Variants in XIRP2 observed in about 807,000 individuals in gnomAD.
XIRP2 encodes xin actin binding repeat containing 2.
A neutral mutation model predicts 277.0 loss-of-function variants in XIRP2; 236 were observed. The observed-to-expected ratio is 0.85, with a 90% confidence interval of 0.77 to 0.95. XIRP2 has a LOEUF of 0.95. XIRP2 is among the 40% of genes least tolerant of loss of function. The pLI is 0.00. For missense variants in XIRP2, 4,640 were observed against 4,157.5 expected, an observed-to-expected ratio of 1.12 and a Z score of -3.19; for synonymous variants, 1,490 against 1,416.5, an observed-to-expected ratio of 1.05 and a Z score of -1.17.
At chr2:167,141,888 A>G (rs1691729119) in intron 3 of XIRP2, among the ~76,000 whole-genome samples, 1 of 152,062 alleles carries the variant, frequency 6.6e-6, no homozygotes, top group Non-Finnish European at 1.5e-5. Flanking sequence ...AAGAAAATAT[A>G]CATAGTTATA....
chr2:167,199,928 A>G (rs1021155506), intron 3 of XIRP2, among the ~76,000 whole-genome samples: 1 of 152,232 alleles, frequency 6.6e-6, no homozygotes, highest in Non-Finnish European at 1.5e-5. Context: ...ACATTAGAAA[A>G]TTAGGGTCAG....
In XIRP2 at chr2:167,028,787, G is replaced by A. The variant is rs114008413; in HGVS notation, c.409-107122G>A. On this transcript the variant is annotated intron_variant, in intron 2 of 10. Coordinates refer to ENST00000409195, the MANE Select transcript of XIRP2 (RefSeq NM_152381.6). ...CCTTTCAGACAAAGAATTCAAAGTA[G>A]CTGTTTTGAGGACCCGCAAGAAAAT... 2.4e-3 allele frequency among the ~76,000 whole-genome samples: 363 copies of A among 151,858 alleles called. 4 individuals are homozygous for A. The highest frequency in any genetic ancestry group is 8.1e-3 in the African/African-American group (335 of 41,466).
At chr2:167,014,942 G>T (rs745538067) in intron 2 of XIRP2, among the ~76,000 whole-genome samples, 2 of 151,644 alleles carry the variant, frequency 1.3e-5, no homozygotes, top group Non-Finnish European at 2.9e-5. Context: ...ACATTTTATT[G>T]CCTCTAATCT....
At chr2:166,931,293 T>C (rs1486057526) in intron 2 of XIRP2, among the ~76,000 whole-genome samples, 1 of 152,170 alleles carries the variant, frequency 6.6e-6, no homozygotes, top group Non-Finnish European at 1.5e-5. Context: ...TTAATTTGCA[T>C]ACAGTGAGAT....
chr2:167,254,169 A>G lies in XIRP2; in HGVS notation c.*39+4A>G. 6.2e-7 allele frequency: 1 copy of G among 1,607,754 alleles called. No individual in the cohort carries two copies. On this transcript the variant is annotated splice_donor_region_variant and intron_variant, in intron 10 of 10. Coordinates refer to ENST00000409195, the MANE Select transcript of XIRP2 (RefSeq NM_152381.6). Reference sequence around the variant, plus strand: ...ACCATTGCAACAGTAAACTAAGGTAAAATGTTTAATTGTCTTTGCCACAAA... The same window carrying G: ...ACCATTGCAACAGTAAACTAAGGTAGAATGTTTAATTGTCTTTGCCACAAA...
In XIRP2 at chr2:167,099,775, CT is replaced by C. The variant is rs61546420; in HGVS notation, c.409-36132del. Among the ~76,000 whole-genome samples the C allele has an allele frequency of 1.0e-2, 1,519 of 152,182 alleles. 33 individuals are homozygous for C. Among genetic ancestry groups the C allele is most frequent in the African/African-American group, 0.035 (1,441 of 41,510 alleles). Reference sequence around the variant, plus strand: ...GCTATGAGAGGGAGTTCCCTGACCCCTTGTGCTTCCCGGGTGAGATAACACC... The same window carrying C: ...GCTATGAGAGGGAGTTCCCTGACCCCTGTGCTTCCCGGGTGAGATAACACC... On this transcript the variant is annotated intron_variant, in intron 2 of 10. Coordinates refer to ENST00000409195, the MANE Select transcript of XIRP2 (RefSeq NM_152381.6).
intron 5 of XIRP2, among the ~76,000 whole-genome samples, chr2:167,226,820 C>T (rs1175206905): frequency 1.3e-5 from 2 of 152,082 alleles, no homozygotes; most frequent in Admixed American, 6.6e-5. Context: ...TCCAAGCTTC[C>T]GAAACATCAC....
intron 2 of XIRP2, among the ~76,000 whole-genome samples, chr2:167,040,066 G>A (rs1382535402): frequency 6.6e-6 from 1 of 152,032 alleles, no homozygotes; most frequent in Non-Finnish European, 1.5e-5. Context: ...AAAATAAACT[G>A]AAAGGAGATT....
At chr2:167,150,016 T>C (rs766587460) in intron 3 of XIRP2, among the ~76,000 whole-genome samples, 1 of 151,950 alleles carries the variant, frequency 6.6e-6, no homozygotes, top group Non-Finnish European at 1.5e-5. Flanking sequence ...TATTCACTAT[T>C]TGAGTGATGG....
chr2:167,178,377 C>G (rs570033344), intron 3 of XIRP2, among the ~76,000 whole-genome samples: 2 of 152,134 alleles, frequency 1.3e-5, no homozygotes, highest in African/African-American at 4.8e-5. Flanking sequence ...ATTTAATTAG[C>G]TTGGAATATA....
In XIRP2 at chr2:167,250,164, A is replaced by G. The variant is rs756413548; in HGVS notation, c.8772A>G (p.Lys2924=). 10 of 1,613,512 alleles carry G rather than the reference A, an allele frequency of 6.2e-6. No individual in the cohort carries two copies. The Admixed American group carries it at 1.0e-4, about 16-fold the overall frequency. ...CAAAGCAAGAGATTACACAGAACAA[A>G]TCTTTCTTTTCCTCTGTGAAAGAAT... ...KDSKQEITQN[K]SFFSSVKESQ... Residue 2924 remains lysine (K), a synonymous_variant, in exon 9 of 11, where the codon AAA becomes AAG. Transcript: ENST00000409195.
chr2:167,023,606 T>G (rs1225752419), intron 2 of XIRP2, among the ~76,000 whole-genome samples: 1 of 152,340 alleles, frequency 6.6e-6, no homozygotes, highest in South Asian at 2.1e-4. Flanking sequence ...ATGTAAGTCT[T>G]TAATCCATCT....
Position 167,249,009 on chromosome 2 carries a change from A to C in XIRP2, c.7617A>C (p.Lys2539Asn). The C allele has an allele frequency of 3.7e-6, 6 of 1,611,058 alleles. No homozygotes were observed. Among genetic ancestry groups the C allele is most frequent in the Non-Finnish European group, 5.1e-6 (6 of 1,179,176 alleles). ...GQQNPKPYMR[K>N]FKTPLMIAEE... is the part of the protein sequence containing the mutation. Reference sequence around the variant, plus strand: ...AAAATCCAAAACCTTATATGAGAAAATTTAAGACACCTTTAATGATTGCTG... The same window carrying C: ...AAAATCCAAAACCTTATATGAGAAACTTTAAGACACCTTTAATGATTGCTG... The change falls in exon 9 of 11, where the codon AAA becomes AAC. Residue 2539 changes from lysine to asparagine, a missense_variant. By Grantham distance (94) the Lys-to-Asn change is moderately conservative. Transcript: ENST00000409195.
rs541530354 is a variant in XIRP2 at position 167,003,060 on chromosome 2, A to G, written c.408+99170A>G. ...TATAAAATACACAGGTTTGAAGTAG[A>G]AATACCAAGAGAGAATGAAACATTT... On this transcript the variant is annotated intron_variant, in intron 2 of 10. Transcript: ENST00000409195. Among the ~76,000 whole-genome samples, 3 of 152,008 alleles carry G rather than the reference A, an allele frequency of 2.0e-5. No homozygotes were observed. In the South Asian group the frequency reaches 6.2e-4, roughly 32 times the overall value.
intron 3 of XIRP2, among the ~76,000 whole-genome samples, chr2:167,173,908 A>G (rs978685496): frequency 6.6e-6 from 1 of 152,060 alleles, no homozygotes; most frequent in Non-Finnish European, 1.5e-5. Context: ...GCCATTTGAT[A>G]TGGTTTGGCT....
rs1688410422 is a variant in XIRP2 at position 167,033,057 on chromosome 2, A to G, written c.409-102852A>G. ...CTGGAACCAACCCAAATGCCCATTAATGTTAGACTGGATAAAGAAATTGTG... is the reference window on the plus strand; with the variant it reads ...CTGGAACCAACCCAAATGCCCATTAGTGTTAGACTGGATAAAGAAATTGTG... On this transcript the variant is annotated intron_variant, in intron 2 of 10. Transcript: ENST00000409195. Among the ~76,000 whole-genome samples the G allele has an allele frequency of 2.0e-5, 3 of 152,238 alleles. No individual in the cohort carries two copies. The South Asian group carries it at 6.2e-4, about 31-fold the overall frequency.
rs1240472781 is a variant in XIRP2 at position 167,241,862 on chromosome 2, G to T, written c.1128G>T (p.Lys376Asn). The change falls in exon 8 of 11, where the codon AAG becomes AAT. Residue 376 changes from lysine (K) to asparagine (N), a missense_variant. By Grantham distance (94) the Lys-to-Asn change is moderately conservative. Coordinates refer to ENST00000409195, the MANE Select transcript of XIRP2 (RefSeq NM_152381.6). ...AGTTTGAAAAGTCTGCCCAGGAAAAGATCCTTTATTCTGACAAAGAGATGA... is the reference window on the plus strand; with the variant it reads ...AGTTTGAAAAGTCTGCCCAGGAAAATATCCTTTATTCTGACAAAGAGATGA... Reference protein sequence around the residue: ...KEQFEKSAQEKILYSDKEMTT... With the variant: ...KEQFEKSAQENILYSDKEMTT... 1.2e-6 allele frequency: 2 copies of T among 1,613,456 alleles called. No homozygotes were observed. Among genetic ancestry groups the T allele is most frequent in the African/African-American group, 2.7e-5 (2 of 74,880 alleles).
intron 2 of XIRP2, among the ~76,000 whole-genome samples, chr2:166,916,246 A>G (rs1684875678): frequency 6.6e-6 from 1 of 152,194 alleles, no homozygotes; most frequent in African/African-American, 2.4e-5. Context: ...ATTAGATGCT[A>G]GAATTTATCT....
intron 2 of XIRP2, among the ~76,000 whole-genome samples, chr2:166,939,524 C>CA (rs1685627883): frequency 6.6e-6 from 1 of 151,174 alleles, no homozygotes; most frequent in African/African-American, 2.4e-5. Context: ...ACTAAAAATA[C>CA]AAAAAATTAG....
Sources: allele counts gnomAD v4.1 joint callset (sites outside exome capture counted in the v4.1 genomes callset), GRCh38; gene constraint gnomAD v4.1.1; transcripts MANE v1.5; gene names NCBI Gene and HGNC (gene_info 2026-07-23, HGNC 2026-07-21).